The following COLQ variants were observed in gnomAD, a reference collection of about 807,000 sequenced individuals.
COLQ encodes the protein collagen like tail subunit of asymmetric acetylcholinesterase, also known as acetylcholinesterase collagenic tail peptide.
COLQ carries 48 observed loss-of-function variants against 69.0 expected under a neutral mutation model. That is an observed-to-expected ratio of 0.70 (90% CI 0.55 to 0.88). The LOEUF is 0.88. Ranked by LOEUF, COLQ falls within the 40% of genes least tolerant of loss-of-function variation. COLQ has a pLI of 0.00. For missense variants in COLQ, 618 were observed against 594.6 expected (o/e 1.04, Z -0.41); for synonymous variants, 217 against 211.2 (o/e 1.03, Z -0.24).
chr3:15,462,081 T>C (rs552266474), intron 12 of COLQ, among the ~76,000 whole-genome samples: 2 of 152,168 alleles, frequency 1.3e-5, no homozygotes. Flanking sequence ...CAGGCGGGAG[T>C]GCAGTAGCGA....
chr3:15,518,098 A>C (rs1341813627), intron 1 of COLQ, among the ~76,000 whole-genome samples: 1 of 152,180 alleles, frequency 6.6e-6, no homozygotes, highest in Non-Finnish European at 1.5e-5. Context: ...GGCATGCACC[A>C]CCACATCCAG....
chr3:15,469,421 C>A (rs1253165034), intron 11 of COLQ, among the ~76,000 whole-genome samples: 4 of 152,096 alleles, frequency 2.6e-5, no homozygotes, highest in Admixed American at 1.3e-4. Context: ...CCTTTTTTAT[C>A]TGAGCCTACT....
intron 1 of COLQ, among the ~76,000 whole-genome samples, chr3:15,516,181 G>A (rs189221522): frequency 4.6e-5 from 7 of 152,278 alleles, no homozygotes; most frequent in Admixed American, 6.5e-5. Context: ...AATATGGGGC[G>A]GTAAATCAGA....
intron 16 of COLQ, among the ~76,000 whole-genome samples, chr3:15,452,102 T>C (rs2061952446): frequency 6.6e-6 from 1 of 151,638 alleles, no homozygotes; most frequent in African/African-American, 2.4e-5. Flanking sequence ...AGTTTCGCTC[T>C]GTCCCCCAGG....
intron 1 of COLQ, among the ~76,000 whole-genome samples, chr3:15,503,275 A>G (rs1208722906): frequency 1.3e-5 from 2 of 152,186 alleles, no homozygotes; most frequent in Non-Finnish European, 2.9e-5. Flanking sequence ...CATTCCCTCC[A>G]AAATGTGTGC....
Position 15,473,070 on chromosome 3 carries a change from T to G in COLQ, c.636+930A>C, listed in dbSNP as rs2062318605. 6.6e-6 allele frequency among the ~76,000 whole-genome samples: 1 copy of G among 151,932 alleles called. No homozygotes were observed. The highest frequency in any genetic ancestry group is 6.6e-5 in the Admixed American group (1 of 15,242). On this transcript the variant is annotated intron_variant, in intron 10 of 16. Transcript: ENST00000383788. The surrounding 1 kb of genome is among the most constrained non-coding windows in gnomAD (Gnocchi z 4.0). ...TGAGATAGTACTATATTGCCCAAGC[T>G]GAGTATTTTTTTCTTTAAGTTACCT...
rs137888244 is a variant in COLQ, at chr3:15,506,399, T to C, written c.106+15121A>G. 5.3e-5 allele frequency among the ~76,000 whole-genome samples: 8 copies of C among 152,328 alleles called. 1 individual carries two copies. Among genetic ancestry groups the C allele is most frequent in the African/African-American group, 1.9e-4 (8 of 41,582 alleles). On this transcript the variant is annotated intron_variant, in intron 1 of 16. Transcript: ENST00000383788. Reference sequence around the variant, plus strand: ...AAAATTCAAAACATACAAACAAGTATACATTAAAATTCTTTCTCCTACCCC... The same window carrying C: ...AAAATTCAAAACATACAAACAAGTACACATTAAAATTCTTTCTCCTACCCC...
chr3:15,477,088 T>A, intron 6 of COLQ, 38 bp downstream of exon 6: 1 of 1,566,812 alleles, frequency 6.4e-7, no homozygotes, highest in South Asian at 1.2e-5. Flanking sequence ...CCCTCTTGTT[T>A]TGACACCGCA....
At chr3:15,468,558 T>C (rs1402121473) in intron 11 of COLQ, among the ~76,000 whole-genome samples, 1 of 152,142 alleles carries the variant, frequency 6.6e-6, no homozygotes, top group Non-Finnish European at 1.5e-5. Context: ...GGTCTCGAAC[T>C]CCTGACCTCA....
At position 15,478,788 on chromosome 3, in the gene COLQ, T is replaced by C. The variant is rs183145868; in HGVS notation, c.393+189A>G. 7.5e-5 allele frequency: 54 copies of C among 717,498 alleles called. 1 individual carries two copies. In the South Asian group the frequency reaches 8.4e-4, roughly 11 times the overall value. The allele number at this position is 717,498 out of a possible 1,614,324, so 44.4% of individuals were successfully genotyped here. On this transcript the variant is annotated intron_variant, in intron 5 of 16. Coordinates refer to ENST00000383788, the MANE Select transcript of COLQ (RefSeq NM_005677.4). Reference sequence around the variant, plus strand: ...ATGCCTGGCAGTAGCAGGCTCCTGCTCCTGAACAAAGAAGTTGACAGAAAG... The same window carrying C: ...ATGCCTGGCAGTAGCAGGCTCCTGCCCCTGAACAAAGAAGTTGACAGAAAG...
intron 11 of COLQ, among the ~76,000 whole-genome samples, chr3:15,468,513 G>A (rs1185372853): frequency 6.6e-6 from 1 of 151,866 alleles, no homozygotes; most frequent in African/African-American, 2.4e-5. Context: ...GTATTTTTTA[G>A]TAGAGGTGGG....
In COLQ at chr3:15,499,504, C is replaced by G. The variant is rs568864860; in HGVS notation, c.107-9867G>C. ...CTTTGCCATTGTACAGGACAGCAGCCATAGACAATACATGAAGGAATGAGA... is the reference window on the plus strand; with the variant it reads ...CTTTGCCATTGTACAGGACAGCAGCGATAGACAATACATGAAGGAATGAGA... On this transcript the variant is annotated intron_variant, in intron 1 of 16. Coordinates refer to ENST00000383788, the MANE Select transcript of COLQ (RefSeq NM_005677.4). 5.9e-5 allele frequency among the ~76,000 whole-genome samples: 9 copies of G among 152,224 alleles called. 1 individual carries two copies. In the South Asian group the frequency reaches 1.9e-3, roughly 32 times the overall value.
chr3:15,515,126 A>C (rs1255923096), intron 1 of COLQ, among the ~76,000 whole-genome samples: 1 of 152,140 alleles, frequency 6.6e-6, no homozygotes, highest in Non-Finnish European at 1.5e-5. Flanking sequence ...GGACTGGATA[A>C]GTTCTCAGAG....
intron 1 of COLQ, among the ~76,000 whole-genome samples, chr3:15,492,953 C>G (rs1009494520): frequency 6.6e-6 from 1 of 152,150 alleles, no homozygotes; most frequent in African/African-American, 2.4e-5. Flanking sequence ...CAAAAAGTTC[C>G]ATAGAACCCA....
chr3:15,475,313 C>A (rs924811), intron 7 of COLQ, 112 bp downstream of exon 7: 5 of 1,082,598 alleles, frequency 4.6e-6, no homozygotes, highest in Middle Eastern at 2.9e-4. Context: ...CCAATATCCG[C>A]GACATTCCCT....
intron 10 of COLQ, among the ~76,000 whole-genome samples, chr3:15,471,814 C>A (rs893411722): frequency 6.6e-6 from 1 of 152,316 alleles, no homozygotes; most frequent in Admixed American, 6.5e-5. Context: ...TTCTTTCCAA[C>A]CCATACATCC....
At chr3:15,509,100 C>T (rs1331607267) in intron 1 of COLQ, among the ~76,000 whole-genome samples, 3 of 152,258 alleles carry the variant, frequency 2.0e-5, no homozygotes, top group Middle Eastern at 3.4e-3. Flanking sequence ...AAATGCAAAG[C>T]GGCAGCAGAT....
chr3:15,492,765 G>A (rs1455983515), intron 1 of COLQ, among the ~76,000 whole-genome samples: 3 of 152,186 alleles, frequency 2.0e-5, no homozygotes, highest in Admixed American at 6.5e-5. Context: ...AAGTCATGGA[G>A]GATGTGGGAC....
At chr3:15,517,423 C>T (rs1243138529) in intron 1 of COLQ, among the ~76,000 whole-genome samples, 1 of 152,166 alleles carries the variant, frequency 6.6e-6, no homozygotes, top group Non-Finnish European at 1.5e-5. Flanking sequence ...GCGAGAATTA[C>T]ACAAATTAAA....
Sources: allele counts gnomAD v4.1 joint callset (sites outside exome capture counted in the v4.1 genomes callset), GRCh38; gene constraint gnomAD v4.1.1; non-coding constraint Gnocchi (gnomAD v3.1); transcripts MANE v1.5; gene names NCBI Gene and HGNC (gene_info 2026-07-23, HGNC 2026-07-21).